The following MAPK10 variants were observed in gnomAD, a reference collection of about 807,000 sequenced individuals.
MAPK10 encodes the protein mitogen-activated protein kinase 10, also known as JNK3 alpha protein kinase.
In MAPK10, 25 loss-of-function variants were observed where a neutral mutation model predicts 59.3. That is an observed-to-expected ratio of 0.42 (90% CI 0.31 to 0.59). The LOEUF (loss-of-function observed/expected upper bound fraction) is 0.59, where lower values mean the gene tolerates loss of function less well. MAPK10 is among the 20% of genes least tolerant of loss of function. The pLI, the probability that MAPK10 is intolerant of heterozygous loss-of-function variation, is 0.15. For missense variants in MAPK10, 351 were observed against 568.9 expected (o/e 0.62, Z 3.90); for synonymous variants, 190 against 200.5 (o/e 0.95, Z 0.44).
intron 2 of MAPK10, among the ~76,000 whole-genome samples, chr4:86,198,956 T>C (rs183189874): frequency 2.6e-5 from 4 of 152,076 alleles, no homozygotes; most frequent in Non-Finnish European, 5.9e-5. Flanking sequence ...CACTCACAAA[T>C]ATATGCGTAC....
intron 3 of MAPK10, among the ~76,000 whole-genome samples, chr4:86,161,160 A>T (rs1009278481): frequency 3.3e-5 from 5 of 152,056 alleles, no homozygotes; most frequent in Non-Finnish European, 5.9e-5. Flanking sequence ...CTAAGACCTC[A>T]AAGAATAGAG....
chr4:86,029,640 T>C (rs564136449), intron 12 of MAPK10, among the ~76,000 whole-genome samples: 1 of 152,328 alleles, frequency 6.6e-6, no homozygotes, highest in East Asian at 1.9e-4. Context: ...ATACATGTTT[T>C]ACTTGTTTTC....
chr4:86,238,838 T>G (rs2092491202), intron 2 of MAPK10, among the ~76,000 whole-genome samples: 1 of 152,212 alleles, frequency 6.6e-6, no homozygotes, highest in African/African-American at 2.4e-5. Flanking sequence ...TGTCCTTTAT[T>G]TACTTCTCTT....
At chr4:86,373,062 T>C (rs77321206) in intron 1 of MAPK10, among the ~76,000 whole-genome samples, 2 of 152,090 alleles carry the variant, frequency 1.3e-5, no homozygotes, top group Non-Finnish European at 2.9e-5. Context: ...AAAACAGATA[T>C]ATAGACCAAT....
Position 86,530,944 on chromosome 4 carries a change from C to T in MAPK10, c.-263+62966G>A, listed in dbSNP as rs571941421. The stretch of plus-strand genomic sequence containing the variant: ...ACTTAGAGAGGCTGACTGGCCACTT[C>T]AGTAGGACTTCTCAGGGCTGCCTAG... On this transcript the variant is annotated intron_variant, in intron 1 of 4. Coordinates refer to the MAPK10 transcript ENST00000502302. 2.7e-4 allele frequency among the ~76,000 whole-genome samples: 41 copies of T among 152,296 alleles called. No homozygotes were observed. The Middle Eastern group carries it at 0.014, about 51-fold the overall frequency.
chr4:86,308,218 T>C (rs1185612133), intron 2 of MAPK10, among the ~76,000 whole-genome samples: 3 of 152,102 alleles, frequency 2.0e-5, no homozygotes, highest in African/African-American at 7.2e-5. Context: ...AGAGAGTAGG[T>C]GCTGAGACTC....
intron 11 of MAPK10, chr4:86,040,938 A>G (rs1011807544): frequency 2.0e-5 from 3 of 152,208 alleles, no homozygotes; most frequent in African/African-American, 7.2e-5. Context: ...GAGGGAGTTC[A>G]CCACCAGACC....
chr4:86,420,347 T>G (rs955348881), intron 1 of MAPK10, among the ~76,000 whole-genome samples: 2 of 152,166 alleles, frequency 1.3e-5, no homozygotes, highest in African/African-American at 4.8e-5. Flanking sequence ...TTATTTTGTA[T>G]TATTGAGGAA....
intron 2 of MAPK10, among the ~76,000 whole-genome samples, chr4:86,252,653 C>T (rs1232443466): frequency 0.011 from 822 of 77,366 alleles, 9 homozygotes; most frequent in African/African-American, 0.036. Context: ...CTTGGCGATG[C>T]GGGCTCTTTT....
In MAPK10 at chr4:86,555,793, T is replaced by C. The variant is rs578115761; in HGVS notation, c.-263+38117A>G. On this transcript the variant is annotated intron_variant, in intron 1 of 4. Coordinates refer to the MAPK10 transcript ENST00000502302. ...GTAAGAAGTTGGGTAAAGGAGAATA[T>C]TGAAACAATTAGATAAATTAAGGTT... is the stretch of plus-strand genomic sequence containing the variant. Among the ~76,000 whole-genome samples, 4 of 152,332 alleles carry C rather than the reference T, an allele frequency of 2.6e-5. No homozygotes were observed. In the East Asian group the frequency reaches 7.7e-4, roughly 29 times the overall value.
chr4:86,289,954 TG>T (rs2148818919), intron 2 of MAPK10, among the ~76,000 whole-genome samples: 1 of 152,238 alleles, frequency 6.6e-6, no homozygotes, highest in African/African-American at 2.4e-5. Context: ...GTGAAGCATT[TG>T]TTGGTAGTGA....
rs185955921 is a variant in MAPK10, at chr4:86,198,894, A to G, written c.-6-4487T>C. Among the ~76,000 whole-genome samples, 438 of 152,044 alleles carry G rather than the reference A, an allele frequency of 2.9e-3. 9 individuals carry two copies. The highest frequency in any genetic ancestry group is 6.3e-4 in the Non-Finnish European group (43 of 67,958). ...AGAAGAAAAGACAAAGGACCAATAT[A>G]TAAATAAAACCCAAAAAATTGAAGA... On this transcript the variant is annotated intron_variant, in intron 2 of 13. Coordinates refer to ENST00000641462, the MANE Select transcript of MAPK10 (RefSeq NM_138982.4).
At chr4:86,187,800 C>T (rs932522302) in intron 3 of MAPK10, among the ~76,000 whole-genome samples, 2 of 152,146 alleles carry the variant, frequency 1.3e-5, no homozygotes, top group African/African-American at 2.4e-5. Flanking sequence ...TTAAGTTCTG[C>T]GATACATGTG....
chr4:86,027,638 T>C (rs1375883948), intron 13 of MAPK10: 2 of 152,230 alleles, frequency 1.3e-5, no homozygotes, highest in Non-Finnish European at 2.9e-5. Flanking sequence ...GGAATAGTAC[T>C]AAGAAATATG....
intron 1 of MAPK10, among the ~76,000 whole-genome samples, chr4:86,494,799 T>C (rs1379812737): frequency 2.5e-5 from 3 of 117,916 alleles, no homozygotes; most frequent in Non-Finnish European, 1.6e-5. Context: ...GCTGAGATCG[T>C]GCCACTGCAC....
chr4:86,020,388 T>A (rs1468449864), intron 13 of MAPK10: 2 of 152,276 alleles, frequency 1.3e-5, no homozygotes, highest in African/African-American at 4.8e-5. Context: ...AATAATGCTG[T>A]TATGAACATT....
At chr4:86,054,959 A>C (rs1241084371) in intron 11 of MAPK10, among the ~76,000 whole-genome samples, 1 of 152,196 alleles carries the variant, frequency 6.6e-6, no homozygotes, top group Non-Finnish European at 1.5e-5. Context: ...TCATATTTAA[A>C]AGAATTCATA....
At position 86,182,145 on chromosome 4, in the gene MAPK10, A is replaced by C. The variant is rs145993288; in HGVS notation, c.66+12191T>G. ...TTATTGTCCAACATTACAAAGAAAA[A>C]TTTCTCCCGAGACTATAACAAGAAG... On this transcript the variant is annotated intron_variant, in intron 3 of 13. Coordinates refer to ENST00000641462, the MANE Select transcript of MAPK10 (RefSeq NM_138982.4). 1.4e-3 allele frequency among the ~76,000 whole-genome samples: 210 copies of C among 152,148 alleles called. 3 individuals carry two copies. In the East Asian group the frequency reaches 0.033, roughly 24 times the overall value.
At chr4:86,314,538 C>G (rs901877362) in intron 2 of MAPK10, among the ~76,000 whole-genome samples, 1 of 152,112 alleles carries the variant, frequency 6.6e-6, no homozygotes, top group Admixed American at 6.6e-5. Context: ...CCAGGTGGAG[C>G]TATAAGTCCA....
Sources: gnomAD v4.1 joint callset for allele counts (sites outside exome capture counted in the v4.1 genomes callset) on GRCh38, gnomAD v4.1.1 for gene constraint, MANE v1.5 for transcripts, NCBI Gene and HGNC (gene_info 2026-07-23, HGNC 2026-07-21) for gene names.